TECTB: variants seen among roughly 807,000 people sequenced by gnomAD.
TECTB encodes the protein beta-tectorin.
Under a neutral mutation model 43.3 loss-of-function variants are expected in TECTB, and 45 were observed. The observed-to-expected ratio is 1.04, with a 90% CI of 0.82 to 1.33. TECTB has a LOEUF of 1.33. Among genes scored for constraint, TECTB ranks in the 40% most tolerant of loss-of-function variants. The probability of loss-of-function intolerance (pLI) is 0.00; values close to 1 mark genes in which losing one functional copy is unlikely to be tolerated. For missense variants in TECTB, 399 were observed against 404.7 expected (o/e 0.99, Z 0.12); for synonymous variants, 169 against 156.7 (o/e 1.08, Z -0.59).
intron 3 of TECTB, among the ~76,000 whole-genome samples, chr10:112,284,987 A>G (rs1206828725): frequency 1.3e-5 from 2 of 152,230 alleles, no homozygotes; most frequent in African/African-American, 2.4e-5. Flanking sequence ...AGAACAAAGT[A>G]CATTTCCCAC....
chr10:112,298,384 G>A (rs906990112), intron 8 of TECTB, among the ~76,000 whole-genome samples, 153 bp downstream of exon 8: 1 of 152,146 alleles, frequency 6.6e-6, no homozygotes, highest in East Asian at 1.9e-4. Flanking sequence ...GCAGATGCTC[G>A]TGAGGGCAGA....
At chr10:112,293,703 A>C (rs1848519409) in intron 5 of TECTB, 35 bp from the exon 6 acceptor site, 3 of 1,587,504 alleles carry the variant, frequency 1.9e-6, no homozygotes, top group Non-Finnish European at 2.6e-6. Context: ...TCAATCTGAG[A>C]GTTCATAATG....
chr10:112,287,444 G>A (rs986495852), intron 5 of TECTB, among the ~76,000 whole-genome samples: 2 of 152,182 alleles, frequency 1.3e-5, no homozygotes, highest in Non-Finnish European at 2.9e-5. Flanking sequence ...GGAAGATGTG[G>A]GCAGAAATAC....
Position 112,304,319 on chromosome 10 carries a change from CTCAT to C in TECTB, c.*1011_*1014del, listed in dbSNP as rs1486681061. 6.6e-6 allele frequency: 1 copy of C among 152,198 alleles called. No individual in the cohort carries two copies. Among genetic ancestry groups the C allele is most frequent in the Non-Finnish European group, 1.5e-5 (1 of 68,032 alleles). The allele number at this position is 152,198 out of a possible 1,614,324, so 9.4% of individuals were successfully genotyped here. A position where few individuals can be genotyped will look rare whatever the true frequency, so the allele number is the denominator to read the frequency against. ...CATCGAAGCTTACATCTGTTTTTGT[CTCAT>C]TCACTTACAATCATTAGAATGAAGC... On this transcript the variant is annotated 3_prime_UTR_variant, in exon 11 of 11. Coordinates refer to ENST00000646139, the MANE Select transcript of TECTB (RefSeq NM_058222.3).
In TECTB at chr10:112,304,219, T is replaced by C. The variant is rs1319228960; in HGVS notation, c.*907T>C. 2 of 152,228 alleles carry C rather than the reference T, an allele frequency of 1.3e-5. No individual in the cohort carries two copies. Among genetic ancestry groups the C allele is most frequent in the Non-Finnish European group, 2.9e-5 (2 of 68,042 alleles). 9.4% of individuals were successfully genotyped at this position (152,228 alleles called of 1,614,324 possible). ...AAATGCCTTGTGACACTCAATGCTA[T>C]TTTTTCTCTATTTGCTCTACTAAGA... On this transcript the variant is annotated 3_prime_UTR_variant, in exon 11 of 11. Transcript: ENST00000646139.
chr10:112,296,009 T>C (rs190007169), intron 7 of TECTB, among the ~76,000 whole-genome samples: 189 of 152,328 alleles, frequency 1.2e-3, no homozygotes, highest in Non-Finnish European at 2.3e-3. Context: ...CACAGCCAGA[T>C]GTAAGACATC....
At chr10:112,301,990 T>G in intron 9 of TECTB, 111 bp from the exon 10 acceptor site, 1 of 1,306,776 alleles carries the variant, frequency 7.7e-7, no homozygotes, top group Admixed American at 1.9e-5. Context: ...GGATTACAAG[T>G]GTGAGCCGCA....
intron 5 of TECTB, 43 bp downstream of exon 5, chr10:112,286,434 CT>C: frequency 3.2e-6 from 5 of 1,562,268 alleles, no homozygotes; most frequent in Middle Eastern, 1.8e-4. Flanking sequence ...GTGGCCTTTC[CT>C]TTCTAGGAGA....
intron 9 of TECTB, among the ~76,000 whole-genome samples, chr10:112,300,776 C>CA (rs961166005): frequency 1.1e-4 from 17 of 150,892 alleles, no homozygotes; most frequent in Admixed American, 2.6e-4. Context: ...TTCCAAAATC[C>CA]AAAAAAAAAT....
At chr10:112,300,678 A>G (rs1848603667) in intron 9 of TECTB, among the ~76,000 whole-genome samples, 1 of 152,226 alleles carries the variant, frequency 6.6e-6, no homozygotes, top group South Asian at 2.1e-4. Flanking sequence ...CTCAAAGGTC[A>G]TGCTCACAGG....
chr10:112,296,918 AC>A (rs1848551806), intron 7 of TECTB, among the ~76,000 whole-genome samples: 1 of 152,076 alleles, frequency 6.6e-6, no homozygotes, highest in Admixed American at 6.5e-5. Flanking sequence ...CAGTGGTCTG[AC>A]GCTTTCGAAA....
chr10:112,302,672 A>G (rs974370416), intron 10 of TECTB: 3 of 217,124 alleles, frequency 1.4e-5, no homozygotes, highest in African/African-American at 6.8e-5. Flanking sequence ...AGGGTCAGCC[A>G]TGATTATGAT....
At chr10:112,298,336 G>A (rs1222462741) in intron 8 of TECTB, 105 bp downstream of exon 8, 1 of 1,417,960 alleles carries the variant, frequency 7.1e-7, no homozygotes, top group East Asian at 2.5e-5. Flanking sequence ...GCAGCTGTGT[G>A]CTGAGGACAT....
intron 5 of TECTB, among the ~76,000 whole-genome samples, chr10:112,290,522 G>A (rs1353216624): frequency 1.3e-5 from 2 of 152,174 alleles, no homozygotes; most frequent in Admixed American, 1.3e-4. Context: ...GAATCAGGCA[G>A]GTTCTTCCAT....
intron 7 of TECTB, 63 bp from the exon 8 acceptor site, chr10:112,298,004 GCT>G: frequency 6.2e-7 from 1 of 1,607,182 alleles, no homozygotes; most frequent in Non-Finnish European, 8.5e-7. Context: ...TGTGTAAATC[GCT>G]CAGCAGCTCT....
chr10:112,301,398 A>C (rs1366355304), intron 9 of TECTB, among the ~76,000 whole-genome samples: 1 of 134,798 alleles, frequency 7.4e-6, no homozygotes, highest in Non-Finnish European at 1.6e-5. Context: ...CAAGAGTGAA[A>C]CTCTGTCTCA....
At chr10:112,287,495 A>G (rs528285201) in intron 5 of TECTB, among the ~76,000 whole-genome samples, 2 of 152,354 alleles carry the variant, frequency 1.3e-5, no homozygotes, top group East Asian at 3.9e-4. Flanking sequence ...GACCTGTTGG[A>G]AAGGCATCAC....
At chr10:112,298,953 A>G (rs1848572736) in intron 8 of TECTB, among the ~76,000 whole-genome samples, 1 of 152,192 alleles carries the variant, frequency 6.6e-6, no homozygotes, top group Admixed American at 6.5e-5. Flanking sequence ...TAAGGTCATA[A>G]TCTCTATTGC....
At chr10:112,297,039 T>C (rs1330908480) in intron 7 of TECTB, among the ~76,000 whole-genome samples, 1 of 152,186 alleles carries the variant, frequency 6.6e-6, no homozygotes, top group Non-Finnish European at 1.5e-5. Flanking sequence ...AATGGTTGCG[T>C]CTGTTTCCAA....
Sources: gnomAD v4.1 joint callset for allele counts (sites outside exome capture counted in the v4.1 genomes callset) on GRCh38, gnomAD v4.1.1 for gene constraint, MANE v1.5 for transcripts, NCBI Gene and HGNC (gene_info 2026-07-23, HGNC 2026-07-21) for gene names.